The following SEC61A1 variants were observed in gnomAD, a reference collection of about 807,000 sequenced individuals.
SEC61A1 encodes protein transport protein Sec61 subunit alpha isoform 1.
Under a neutral mutation model 55.2 loss-of-function variants are expected in SEC61A1, and 15 were observed. The observed-to-expected ratio is 0.27, with a 90% CI of 0.18 to 0.42. The LOEUF (loss-of-function observed/expected upper bound fraction) is 0.42, where lower values mean the gene tolerates loss of function less well. Among genes scored for constraint, SEC61A1 ranks in the 10% least tolerant of loss-of-function variants. The probability of loss-of-function intolerance (pLI) is 1.00; values close to 1 mark genes in which losing one functional copy is unlikely to be tolerated. For synonymous variants in SEC61A1, 247 were observed against 234.0 expected (o/e 1.06, Z -0.51); for missense variants, 284 against 602.6 (o/e 0.47, Z 5.53).
chr3:128,061,373 ACAAGGGAAGC>A (rs1941848654), intron 7 of SEC61A1, among the ~76,000 whole-genome samples: 1 of 152,268 alleles, frequency 6.6e-6, no homozygotes, highest in Non-Finnish European at 1.5e-5. Flanking sequence ...TTCAAAACAT[ACAAGGGAAGC>A]CTTAGAGAGT....
intron 5 of SEC61A1, among the ~76,000 whole-genome samples, chr3:128,059,239 T>C (rs1941819359): frequency 2.0e-5 from 3 of 152,062 alleles, no homozygotes; most frequent in Admixed American, 6.6e-5. Flanking sequence ...TTTGGGAGGC[T>C]GAGGTGGGTG....
intron 7 of SEC61A1, among the ~76,000 whole-genome samples, chr3:128,061,644 A>G (rs1227488773): frequency 6.6e-6 from 1 of 152,222 alleles, no homozygotes; most frequent in Non-Finnish European, 1.5e-5. Flanking sequence ...GGAGCCATAG[A>G]GAAGAGTGGG....
At chr3:128,063,667 G>A (rs1364365597) in intron 7 of SEC61A1, among the ~76,000 whole-genome samples, 2 of 152,110 alleles carry the variant, frequency 1.3e-5, no homozygotes, top group Admixed American at 6.5e-5. Context: ...GCTCCTCAGA[G>A]TACTGATACC....
intron 2 of SEC61A1, 55 bp downstream of exon 2, chr3:128,052,957 G>C: frequency 7.3e-7 from 1 of 1,365,080 alleles, no homozygotes; most frequent in Non-Finnish European, 1.0e-6. Flanking sequence ...CTGGACTCTG[G>C]AAGTTTACAG....
chr3:128,064,284 C>T (rs747480678), intron 7 of SEC61A1, among the ~76,000 whole-genome samples: 5 of 151,124 alleles, frequency 3.3e-5, no homozygotes, highest in Non-Finnish European at 5.9e-5. Context: ...AAATTATCAT[C>T]GTTCCACACC....
At chr3:128,057,458 A>G (rs566252371) in intron 5 of SEC61A1, among the ~76,000 whole-genome samples, 2 of 152,334 alleles carry the variant, frequency 1.3e-5, no homozygotes, top group East Asian at 3.9e-4. Context: ...CCATTTCATT[A>G]TTGCTTAAAA....
upstream of SEC61A1, chr3:128,051,707 A>C: frequency 6.9e-7 from 1 of 1,448,958 alleles, no homozygotes; most frequent in East Asian, 2.5e-5. Flanking sequence ...TCTCGCCAGA[A>C]TCTATCAAGG....
chr3:128,071,389 T>TC lies in SEC61A1; in HGVS notation c.*1732dup, dbSNP rs998743255. On this transcript the variant is annotated 3_prime_UTR_variant, in exon 12 of 12. Transcript: ENST00000243253. ...TCTGCTGCTACAGAGGGGCAGGGCC[T>TC]CCCCCAGCCCACGCTTAGGAATGCT... 1.3e-5 allele frequency: 2 copies of TC among 152,498 alleles called. No individual in the cohort carries two copies. The highest frequency in any genetic ancestry group is 2.9e-5 in the Non-Finnish European group (2 of 68,080). The allele number at this position is 152,498 out of a possible 1,614,324, so 9.4% of individuals were successfully genotyped here. A position where few individuals can be genotyped will look rare whatever the true frequency, so the allele number is the denominator to read the frequency against.
intron 5 of SEC61A1, among the ~76,000 whole-genome samples, chr3:128,058,831 G>A (rs1032626984): frequency 3.9e-5 from 6 of 151,982 alleles, no homozygotes; most frequent in Admixed American, 2.0e-4. Flanking sequence ...ACTCCTGCCC[G>A]GGCAACAGAG....
At chr3:128,052,803 C>T (rs771774957) in intron 1 of SEC61A1, 32 bp from the exon 2 acceptor site, 6 of 1,596,476 alleles carry the variant, frequency 3.8e-6, no homozygotes, top group South Asian at 3.3e-5. Context: ...CTCTGTGTCC[C>T]AACTCTTCCT....
chr3:128,055,779 G>A (rs2107641687), intron 4 of SEC61A1, 28 bp downstream of exon 4: 2 of 1,565,408 alleles, frequency 1.3e-6, no homozygotes, highest in East Asian at 2.2e-5. Context: ...TCTTTTCTCT[G>A]TAGAGTGTAG....
chr3:128,053,320 C>A (rs564920875), intron 2 of SEC61A1, among the ~76,000 whole-genome samples: 1 of 152,162 alleles, frequency 6.6e-6, no homozygotes, highest in South Asian at 2.1e-4. Flanking sequence ...GAAGGGCTGT[C>A]ACTTTAGTAT....
chr3:128,056,860 A>ATCT lies in SEC61A1; in HGVS notation c.352+21_352+23dup. 1 of 1,521,612 alleles carries ATCT rather than the reference A, an allele frequency of 6.6e-7. No individual in the cohort carries two copies. The highest frequency in any genetic ancestry group is 8.8e-7 in the Non-Finnish European group (1 of 1,130,768). The allele number at this position is 1,521,612 out of a possible 1,614,324, so 94.3% of individuals were successfully genotyped here. On this transcript the variant is annotated intron_variant, in intron 5 of 11. Transcript: ENST00000243253. ...AAAAGTGTAAGAAAGATTGTGAATA[A>ATCT]TCTGATGTCTATAGTTGGAAAATTT...
Position 128,056,850 on chromosome 3 carries a change from A to C in SEC61A1, c.352+10A>C. 1 of 1,555,490 alleles carries C rather than the reference A, an allele frequency of 6.4e-7. No homozygotes were observed. The highest frequency in any genetic ancestry group is 8.7e-7 in the Non-Finnish European group (1 of 1,149,872). On this transcript the variant is annotated intron_variant, in intron 5 of 11. Coordinates refer to ENST00000243253, the MANE Select transcript of SEC61A1 (RefSeq NM_013336.4). ...AACGGAGCCCAAAAGTGTAAGAAAGATTGTGAATAATCTGATGTCTATAGT... is the reference window on the plus strand; with the variant it reads ...AACGGAGCCCAAAAGTGTAAGAAAGCTTGTGAATAATCTGATGTCTATAGT...
chr3:128,065,497 G>T (rs2107648428), intron 8 of SEC61A1, among the ~76,000 whole-genome samples: 1 of 152,212 alleles, frequency 6.6e-6, no homozygotes, highest in East Asian at 1.9e-4. Flanking sequence ...GACCTGAACT[G>T]CTATTGTTTT....
At position 128,052,457 on chromosome 3, in the gene SEC61A1, T is replaced by G. The variant is rs961393657; in HGVS notation, c.-96T>G. ...GCACTGACGTGTCTCTCGGCGGAGC[T>G]GCTGTGCAGTGGAACGCGCTGGGCC... On this transcript the variant is annotated 5_prime_UTR_variant, in exon 1 of 12. Transcript: ENST00000243253. The G allele has an allele frequency of 4.2e-5, 63 of 1,491,438 alleles. No homozygotes were observed. The East Asian group carries it at 6.3e-4, about 15-fold the overall frequency. The allele number at this position is 1,491,438 out of a possible 1,614,324, so 92.4% of individuals were successfully genotyped here. A position where few individuals can be genotyped will look rare whatever the true frequency, so the allele number is the denominator to read the frequency against.
intron 11 of SEC61A1, 123 bp from the exon 12 acceptor site, chr3:128,069,353 T>C: frequency 4.4e-6 from 4 of 919,390 alleles, no homozygotes; most frequent in Non-Finnish European, 6.6e-6. Context: ...TAGATGACTT[T>C]CTAGGAGACA....
chr3:128,052,470 A>C lies in SEC61A1; in HGVS notation c.-83A>C, dbSNP rs1941699937. 6.5e-6 allele frequency: 10 copies of C among 1,536,602 alleles called. No homozygotes were observed. The highest frequency in any genetic ancestry group is 1.2e-5 in the South Asian group (1 of 81,596). On this transcript the variant is annotated 5_prime_UTR_variant, in exon 1 of 12. Transcript: ENST00000243253. ...TCTCGGCGGAGCTGCTGTGCAGTGG[A>C]ACGCGCTGGGCCGCGGGCAGCGTCG...
chr3:128,057,359 G>A (rs1185984046), intron 5 of SEC61A1, among the ~76,000 whole-genome samples: 1 of 152,224 alleles, frequency 6.6e-6, no homozygotes, highest in Non-Finnish European at 1.5e-5. Flanking sequence ...GATGGGCTGG[G>A]CAAGGCAGGG....
Sources: gnomAD v4.1 joint callset for allele counts (sites outside exome capture counted in the v4.1 genomes callset) on GRCh38, gnomAD v4.1.1 for gene constraint, MANE v1.5 for transcripts, NCBI Gene and HGNC (gene_info 2026-07-23, HGNC 2026-07-21) for gene names.